The following TPMT variants were observed in gnomAD, a reference collection of about 807,000 sequenced individuals.
The protein encoded by TPMT is thiopurine S-methyltransferase, also known as S-adenosyl-L-methionine:thiopurine S-methyltransferase.
In TPMT, 18 loss-of-function variants were observed where a neutral mutation model predicts 34.2. The observed-to-expected ratio is 0.53, with a 90% CI of 0.36 to 0.78. The LOEUF is 0.78. Among genes scored for constraint, TPMT ranks in the 30% least tolerant of loss-of-function variants. The probability of loss-of-function intolerance (pLI) is 0.00; values close to 1 mark genes in which losing one functional copy is unlikely to be tolerated. For synonymous variants in TPMT, 69 were observed against 92.4 expected (o/e 0.75, Z 1.45); for missense variants, 265 against 288.1 (o/e 0.92, Z 0.58).
intron 7 of TPMT, among the ~76,000 whole-genome samples, chr6:18,133,431 G>C (rs1437655150): frequency 9.2e-5 from 14 of 152,168 alleles, no homozygotes; most frequent in Admixed American, 9.2e-4. Flanking sequence ...GTATGTGAAG[G>C]CATCTGTCCA....
At chr6:18,151,959 T>C (rs79050301) in intron 1 of TPMT, among the ~76,000 whole-genome samples, 6,757 of 152,278 alleles carry the variant, frequency 0.044, 169 homozygotes, top group African/African-American at 0.059. Flanking sequence ...CTGTGTATCA[T>C]ATCTTCTCAG....
At chr6:18,151,184 C>CT (rs55751001) in intron 1 of TPMT, among the ~76,000 whole-genome samples, 10,521 of 130,324 alleles carry the variant, frequency 0.081, 492 homozygotes, top group South Asian at 0.16. Context: ...CTTCTTCTCT[C>CT]TTTTTTTTTT....
rs1784125004 is a variant in TPMT, at chr6:18,140,893, A to G, written c.367-1176T>C. 6.6e-6 allele frequency among the ~76,000 whole-genome samples: 1 copy of G among 152,036 alleles called. No individual in the cohort carries two copies. The highest frequency in any genetic ancestry group is 2.1e-4 in the South Asian group (1 of 4,822). ...TGTAGGAAAGGTGTGTCAGCACACA[A>G]GACTGCTAGATTTTATTCTGAAATG... On this transcript the variant is annotated intron_variant, in intron 4 of 8. Transcript: ENST00000309983. This position sits in a 1 kb window ranked among gnomAD's most constrained non-coding sequence, Gnocchi z 4.7.
rs902039304 is a variant in TPMT at position 18,132,228 on chromosome 6, A to G, written c.581-51T>C. The G allele has an allele frequency of 2.6e-6, 4 of 1,556,094 alleles. No homozygotes were observed. In the African/African-American group the frequency reaches 5.4e-5, roughly 21 times the overall value. On this transcript the variant is annotated intron_variant, in intron 7 of 8. Transcript: ENST00000309983. This position sits in a 1 kb window ranked among gnomAD's most constrained non-coding sequence, Gnocchi z 4.8. The stretch of plus-strand genomic sequence containing the variant: ...AGTTTATTTCCAATGACGTAGGTGT[A>G]CTTGTTCTACATACAACTTCATTAT...
At chr6:18,151,445 G>A (rs1197092800) in intron 1 of TPMT, among the ~76,000 whole-genome samples, 4 of 151,256 alleles carry the variant, frequency 2.6e-5, no homozygotes, top group Non-Finnish European at 5.9e-5. Flanking sequence ...TCCAGCCTGG[G>A]CTACAGATCA....
At chr6:18,151,184 CTTTT>C (rs55751001) in intron 1 of TPMT, among the ~76,000 whole-genome samples, 5 of 130,336 alleles carry the variant, frequency 3.8e-5, no homozygotes, top group Admixed American at 1.5e-4. Flanking sequence ...CTTCTTCTCT[CTTTT>C]TTTTTTTTTT....
chr6:18,152,614 G>T (rs989832910), intron 1 of TPMT, among the ~76,000 whole-genome samples: 4 of 148,976 alleles, frequency 2.7e-5, no homozygotes, highest in Non-Finnish European at 5.9e-5. Flanking sequence ...TTGAGATGGA[G>T]TTTCGCTCTT....
rs1017070517 is a variant in TPMT, at chr6:18,135,082, A to C, written c.495-1193T>G. The stretch of plus-strand genomic sequence containing the variant: ...GCTATGTAAGCTTGACAAATTCTTA[A>C]CCTTTCTGTACCTCAGTTTCCTCAC... On this transcript the variant is annotated intron_variant, in intron 6 of 8. Coordinates refer to ENST00000309983, the MANE Select transcript of TPMT (RefSeq NM_000367.5). This position sits in a 1 kb window ranked among gnomAD's most constrained non-coding sequence, Gnocchi z 5.0. Among the ~76,000 whole-genome samples, 1 of 152,122 alleles carries C rather than the reference A, an allele frequency of 6.6e-6. No homozygotes were observed. The highest frequency in any genetic ancestry group is 1.5e-5 in the Non-Finnish European group (1 of 68,026).
chr6:18,138,782 C>T lies in TPMT; in HGVS notation c.494+181G>A, dbSNP rs368376827. On this transcript the variant is annotated intron_variant, in intron 6 of 8. Transcript: ENST00000309983. The surrounding 1 kb of genome is among the most constrained non-coding windows in gnomAD (Gnocchi z 4.1). ...AAGCCTTATAGCCTTACACCCAGGT[C>T]TCTGTAGTCAAATCCTATACTTTTT... Among the ~76,000 whole-genome samples, 1 of 152,154 alleles carries T rather than the reference C, an allele frequency of 6.6e-6. No homozygotes were observed. Among genetic ancestry groups the T allele is most frequent in the African/African-American group, 2.4e-5 (1 of 41,432 alleles).
chr6:18,144,851 G>T (rs1469526541), intron 3 of TPMT, among the ~76,000 whole-genome samples: 1 of 151,446 alleles, frequency 6.6e-6, no homozygotes, highest in African/African-American at 2.4e-5. Context: ...CTCCAGAGTA[G>T]CTGGGATTAC....
chr6:18,130,202 C>G lies in TPMT; in HGVS notation c.*466G>C. The G allele has an allele frequency of 6.2e-6, 1 of 162,038 alleles. No individual in the cohort carries two copies. Among genetic ancestry groups the G allele is most frequent in the South Asian group, 1.7e-4 (1 of 5,914 alleles). The allele number at this position is 162,038 out of a possible 1,614,324, so 10.0% of individuals were successfully genotyped here. A position where few individuals can be genotyped will look rare whatever the true frequency, so the allele number is the denominator to read the frequency against. On this transcript the variant is annotated 3_prime_UTR_variant, in exon 9 of 9. Transcript: ENST00000309983. This position sits in a 1 kb window ranked among gnomAD's most constrained non-coding sequence, Gnocchi z 4.2. Reference sequence around the variant, plus strand: ...CAGGAGGCTGAGGCAGGAGAATCACCTGAACCTGGGAGGCAGAGGTTGCAG... The same window carrying G: ...CAGGAGGCTGAGGCAGGAGAATCACGTGAACCTGGGAGGCAGAGGTTGCAG...
chr6:18,129,016 T>C lies in TPMT; in HGVS notation c.*1652A>G, dbSNP rs960296567. 6.6e-6 allele frequency: 1 copy of C among 152,316 alleles called. No homozygotes were observed. The highest frequency in any genetic ancestry group is 2.4e-5 in the African/African-American group (1 of 41,456). 9.4% of individuals were successfully genotyped at this position (152,316 alleles called of 1,614,324 possible). On this transcript the variant is annotated 3_prime_UTR_variant, in exon 9 of 9. Coordinates refer to ENST00000309983, the MANE Select transcript of TPMT (RefSeq NM_000367.5). Reference sequence around the variant, plus strand: ...TGGGTGGCCAAGACAGGAGGACTGCTTGAGGCCTCACGTCAAGTTCAACAT... The same window carrying C: ...TGGGTGGCCAAGACAGGAGGACTGCCTGAGGCCTCACGTCAAGTTCAACAT...
At position 18,140,829 on chromosome 6, in the gene TPMT, C is replaced by G. The variant is rs1217274940; in HGVS notation, c.367-1112G>C. On this transcript the variant is annotated intron_variant, in intron 4 of 8. Transcript: ENST00000309983. The surrounding 1 kb of genome is among the most constrained non-coding windows in gnomAD (Gnocchi z 4.7). ...CACACTCCAAGAGGGGGCAATATAA[C>G]ATAGACTTTAGGATCCTGGGAGCTG... Among the ~76,000 whole-genome samples the G allele has an allele frequency of 6.6e-6, 1 of 152,024 alleles. No homozygotes were observed. The highest frequency in any genetic ancestry group is 1.5e-5 in the Non-Finnish European group (1 of 67,976).
chr6:18,147,997 C>A, intron 2 of TPMT, 82 bp from the exon 3 acceptor site: 4 of 1,074,844 alleles, frequency 3.7e-6, no homozygotes, highest in Non-Finnish European at 2.9e-6. Flanking sequence ...TTAATATTCC[C>A]AACAACCTTA....
At chr6:18,152,991 C>T (rs959177304) in intron 1 of TPMT, among the ~76,000 whole-genome samples, 2 of 152,220 alleles carry the variant, frequency 1.3e-5, no homozygotes, top group Non-Finnish European at 2.9e-5. Flanking sequence ...AAAACTCCAT[C>T]CTGTGATTGT....
At position 18,135,314 on chromosome 6, in the gene TPMT, G is replaced by A. The variant is rs1412261429; in HGVS notation, c.495-1425C>T. ...TTGGTAGGGTTTCCTAGGACTGAAA[G>A]ACTTCATTCCTCTTAGAATGTGAAG... is the stretch of plus-strand genomic sequence containing the variant. On this transcript the variant is annotated intron_variant, in intron 6 of 8. Coordinates refer to ENST00000309983, the MANE Select transcript of TPMT (RefSeq NM_000367.5). This position sits in a 1 kb window ranked among gnomAD's most constrained non-coding sequence, Gnocchi z 5.0. Among the ~76,000 whole-genome samples, 1 of 152,168 alleles carries A rather than the reference G, an allele frequency of 6.6e-6. No homozygotes were observed.
In TPMT at chr6:18,153,300, C is replaced by T. The variant is rs1207309564; in HGVS notation, c.-45+1733G>A. Among the ~76,000 whole-genome samples the T allele has an allele frequency of 1.3e-5, 2 of 152,178 alleles. No individual in the cohort carries two copies. The highest frequency in any genetic ancestry group is 2.9e-5 in the Non-Finnish European group (2 of 68,024). On this transcript the variant is annotated intron_variant, in intron 1 of 8. Coordinates refer to ENST00000309983, the MANE Select transcript of TPMT (RefSeq NM_000367.5). The surrounding 1 kb of genome is among the most constrained non-coding windows in gnomAD (Gnocchi z 4.2). ...ACTTCTCATTCTTCAGCTGACAGAC[C>T]ATAACTGCAGATCCATCTGAATGTA...
At position 18,135,728 on chromosome 6, in the gene TPMT, G is replaced by A. The variant is rs1161481911; in HGVS notation, c.495-1839C>T. Among the ~76,000 whole-genome samples, 1 of 151,918 alleles carries A rather than the reference G, an allele frequency of 6.6e-6. No individual in the cohort carries two copies. The highest frequency in any genetic ancestry group is 1.5e-5 in the Non-Finnish European group (1 of 67,992). ...CTCTAGTAAAAATACAAAATTAGCT[G>A]GGTGTGGTGGCGCTACTGTAATCCC... On this transcript the variant is annotated intron_variant, in intron 6 of 8. Coordinates refer to ENST00000309983, the MANE Select transcript of TPMT (RefSeq NM_000367.5). The surrounding 1 kb of genome is among the most constrained non-coding windows in gnomAD (Gnocchi z 5.0).
Position 18,147,829 on chromosome 6 carries a change from A to T in TPMT, c.227T>A (p.Met76Lys), listed in dbSNP as rs1200214781. 6.2e-7 allele frequency: 1 copy of T among 1,613,550 alleles called. No homozygotes were observed. Among genetic ancestry groups the T allele is most frequent in the Non-Finnish European group, 8.5e-7 (1 of 1,179,800 alleles). Reference protein sequence around the residue: ...FFPLCGKAVEMKWFADRGHSV... With the variant: ...FFPLCGKAVEKKWFADRGHSV... ...AATGTTTATCTGCTCATACCATTTCATCTCAACCGCTTTTCCGCAAAGAGG... is the reference window on the plus strand; with the variant it reads ...AATGTTTATCTGCTCATACCATTTCTTCTCAACCGCTTTTCCGCAAAGAGG... The change falls in exon 3 of 9, where the codon ATG (methionine) becomes AAG (lysine). Residue 76 changes from methionine to lysine, a missense_variant. Transcript: ENST00000309983.
Sources: allele counts gnomAD v4.1 joint callset (sites outside exome capture counted in the v4.1 genomes callset), GRCh38; gene constraint gnomAD v4.1.1; non-coding constraint Gnocchi (gnomAD v3.1); transcripts MANE v1.5; gene names NCBI Gene and HGNC (gene_info 2026-07-23, HGNC 2026-07-21).